Variants in RYR2 observed in about 807,000 individuals in gnomAD.
The protein encoded by RYR2 is ryanodine receptor 2.
A neutral mutation model predicts 601.1 loss-of-function variants in RYR2; 227 were observed. That is an observed-to-expected ratio of 0.38 (90% confidence interval 0.34 to 0.42). The LOEUF is 0.42. Ranked by LOEUF, RYR2 falls within the 10% of genes least tolerant of loss-of-function variation. RYR2 has a pLI of 1.00. For missense variants in RYR2, 4,646 were observed against 6,156.5 expected, an observed-to-expected ratio of 0.75 and a Z score of 8.21; for synonymous variants, 2,223 against 2,175.1, an observed-to-expected ratio of 1.02 and a Z score of -0.61.
intron 1 of RYR2, among the ~76,000 whole-genome samples, chr1:237,123,553 C>T (rs1671049492): frequency 6.6e-6 from 1 of 151,854 alleles, no homozygotes; most frequent in Non-Finnish European, 1.5e-5. Flanking sequence ...TGCCACTGCG[C>T]TCAAATCTGG....
chr1:237,813,383 G>A (rs545476667), intron 100 of RYR2, among the ~76,000 whole-genome samples: 2 of 152,256 alleles, frequency 1.3e-5, no homozygotes, highest in South Asian at 4.1e-4. Context: ...AGAAAAATAG[G>A]AATGATTTCA....
At chr1:237,064,805 A>G (rs2148272896) in intron 1 of RYR2, among the ~76,000 whole-genome samples, 1 of 134,286 alleles carries the variant, frequency 7.4e-6, no homozygotes, top group South Asian at 2.3e-4. Context: ...CTTGATTGTG[A>G]AATCTCAATT....
At chr1:237,583,227 T>C (rs989052486) in intron 29 of RYR2, among the ~76,000 whole-genome samples, 1 of 152,206 alleles carries the variant, frequency 6.6e-6, no homozygotes, top group Non-Finnish European at 1.5e-5. Context: ...TGTCTTCTTT[T>C]GAAAAGTATC....
At position 237,819,846 on chromosome 1, in the gene RYR2, C is replaced by G. The variant is rs116104828; in HGVS notation, c.14590+654C>G. Among the ~76,000 whole-genome samples the G allele has an allele frequency of 3.0e-3, 455 of 151,956 alleles. 2 individuals carry two copies. Among genetic ancestry groups the G allele is most frequent in the Middle Eastern group, 6.8e-3 (2 of 294 alleles). ...AACACACACTCAAACCCAACAACAACAACAACAACAAAAACTTCTAAGCCC... is the reference window on the plus strand; with the variant it reads ...AACACACACTCAAACCCAACAACAAGAACAACAACAAAAACTTCTAAGCCC... On this transcript the variant is annotated intron_variant, in intron 101 of 104. Transcript: ENST00000366574. The surrounding 1 kb of genome is among the most constrained non-coding windows in gnomAD (Gnocchi z 4.0).
Position 237,726,541 on chromosome 1 carries a change from C to A in RYR2, c.10725+233C>A, listed in dbSNP as rs77403845. ...TTACCAAATTTACTCACTCCTAATA[C>A]TGTGTTCACAAAGCGTTGTCTTCTT... On this transcript the variant is annotated intron_variant, in intron 75 of 104. Coordinates refer to ENST00000366574, the MANE Select transcript of RYR2 (RefSeq NM_001035.3). Among the ~76,000 whole-genome samples, 3,250 of 152,142 alleles carry A rather than the reference C, an allele frequency of 0.021. 130 individuals carry two copies. The highest frequency in any genetic ancestry group is 0.073 in the African/African-American group (3,038 of 41,524).
intron 8 of RYR2, among the ~76,000 whole-genome samples, chr1:237,385,587 G>A (rs988790491): frequency 6.6e-6 from 1 of 152,158 alleles, no homozygotes; most frequent in Non-Finnish European, 1.5e-5. Context: ...TATTACATGA[G>A]CTTTCACTTG....
At chr1:237,818,938 C>A in intron 100 of RYR2, 98 bp from the exon 101 acceptor site, 4 of 1,061,388 alleles carry the variant, frequency 3.8e-6, no homozygotes, top group Non-Finnish European at 5.4e-6. Context: ...TTCTCATTTC[C>A]AGAGTGAGGA....
chr1:237,680,037 C>T (rs1685730570), intron 61 of RYR2, among the ~76,000 whole-genome samples: 1 of 152,166 alleles, frequency 6.6e-6, no homozygotes. Context: ...ATTTCTATGT[C>T]TCCATTTAAT....
At chr1:237,222,730 C>T (rs1683956305) in intron 1 of RYR2, among the ~76,000 whole-genome samples, 1 of 152,068 alleles carries the variant, frequency 6.6e-6, no homozygotes, top group Admixed American at 6.6e-5. Context: ...CCGGCATTTT[C>T]TAACCCCAAA....
intron 1 of RYR2, among the ~76,000 whole-genome samples, chr1:237,118,156 A>G (rs1670346460): frequency 6.6e-6 from 1 of 152,218 alleles, no homozygotes; most frequent in Non-Finnish European, 1.5e-5. Context: ...GGATATATAC[A>G]TACATAGGTA....
chr1:237,765,215 T>G (rs997138608), intron 84 of RYR2, among the ~76,000 whole-genome samples: 1 of 152,190 alleles, frequency 6.6e-6, no homozygotes, highest in Non-Finnish European at 1.5e-5. Context: ...TTTAATTTGC[T>G]TTTTTATCAG....
At chr1:237,654,866 T>C (rs1159835731) in intron 52 of RYR2, among the ~76,000 whole-genome samples, 1 of 152,256 alleles carries the variant, frequency 6.6e-6, no homozygotes, top group Non-Finnish European at 1.5e-5. Flanking sequence ...CGCTCAATGT[T>C]GCATTGCATA....
chr1:237,683,223 G>T (rs1384146922), intron 62 of RYR2, among the ~76,000 whole-genome samples: 1 of 152,194 alleles, frequency 6.6e-6, no homozygotes, highest in Non-Finnish European at 1.5e-5. Flanking sequence ...TTTAACAGAC[G>T]TGAGTAGCAA....
intron 1 of RYR2, among the ~76,000 whole-genome samples, chr1:237,170,190 G>A (rs576777116): frequency 9.2e-5 from 14 of 152,336 alleles, no homozygotes; most frequent in Middle Eastern, 3.4e-3. Flanking sequence ...GGAGGAAAAG[G>A]TGGGTTAATC....
At chr1:237,054,370 G>A (rs1268159711) in intron 1 of RYR2, among the ~76,000 whole-genome samples, 2 of 113,160 alleles carry the variant, frequency 1.8e-5, no homozygotes, top group Non-Finnish European at 3.3e-5. Context: ...AATGGTAAAA[G>A]ACTGTAAATT....
At chr1:237,347,980 T>A (rs1175768673) in intron 3 of RYR2, among the ~76,000 whole-genome samples, 1 of 152,180 alleles carries the variant, frequency 6.6e-6, no homozygotes, top group African/African-American at 2.4e-5. Context: ...TTGGGGCATT[T>A]GCTGAGTATT....
chr1:237,081,823 C>T (rs183997492), intron 1 of RYR2, among the ~76,000 whole-genome samples: 3 of 152,198 alleles, frequency 2.0e-5, no homozygotes, highest in East Asian at 1.9e-4. Context: ...GTTTCTCCTG[C>T]GGCATGGCCT....
At chr1:237,055,400 T>A (rs1470455552) in intron 1 of RYR2, among the ~76,000 whole-genome samples, 1 of 152,026 alleles carries the variant, frequency 6.6e-6, no homozygotes, top group Non-Finnish European at 1.5e-5. Flanking sequence ...AATTGGGATG[T>A]AGAGAGATCA....
intron 1 of RYR2, among the ~76,000 whole-genome samples, chr1:237,221,273 A>G (rs1304251467): frequency 6.6e-6 from 1 of 152,192 alleles, no homozygotes; most frequent in African/African-American, 2.4e-5. Context: ...TGCATGGAAA[A>G]CATTGATTAG....
Sources: allele counts gnomAD v4.1 joint callset (sites outside exome capture counted in the v4.1 genomes callset), GRCh38; gene constraint gnomAD v4.1.1; non-coding constraint Gnocchi (gnomAD v3.1); transcripts MANE v1.5; gene names NCBI Gene and HGNC (gene_info 2026-07-23, HGNC 2026-07-21).